MC2R: variants seen among roughly 807,000 people sequenced by gnomAD.
The protein encoded by MC2R is melanocortin 2 receptor.
In MC2R, 9 loss-of-function variants were observed where a neutral mutation model predicts 9.8. The observed-to-expected ratio is 0.92, with a 90% CI of 0.55 to 1.60. The LOEUF (loss-of-function observed/expected upper bound fraction) is 1.60, where lower values mean the gene tolerates loss of function less well. Ranked by LOEUF, MC2R falls within the 40% of genes most tolerant of loss-of-function variation. The probability of loss-of-function intolerance (pLI) is 0.00; values close to 1 mark genes in which losing one functional copy is unlikely to be tolerated. For synonymous variants in MC2R, 185 were observed against 154.7 expected (o/e 1.20, Z -1.45); for missense variants, 370 against 389.0 (o/e 0.95, Z 0.41).
chr18:13,904,519 G>A (rs1009712657), intron 1 of MC2R, among the ~76,000 whole-genome samples: 13 of 151,346 alleles, frequency 8.6e-5, no homozygotes, highest in Non-Finnish European at 1.2e-4. Context: ...TACCACTTTC[G>A]TTCAATATAA....
chr18:13,907,357 A>G (rs1173823193), intron 1 of MC2R, among the ~76,000 whole-genome samples: 1 of 152,242 alleles, frequency 6.6e-6, no homozygotes, highest in Non-Finnish European at 1.5e-5. Flanking sequence ...CTCTCACCAG[A>G]CACAAAAATC....
Position 13,884,370 on chromosome 18 carries a change from C to T in MC2R, c.*255G>A, listed in dbSNP as rs1480971418. 4 of 538,884 alleles carry T rather than the reference C, an allele frequency of 7.4e-6. No homozygotes were observed. Among genetic ancestry groups the T allele is most frequent in the Non-Finnish European group, 1.0e-5 (3 of 300,232 alleles). The allele number at this position is 538,884 out of a possible 1,614,324, so 33.4% of individuals were successfully genotyped here. On this transcript the variant is annotated 3_prime_UTR_variant, in exon 2 of 2. Coordinates refer to ENST00000327606, the MANE Select transcript of MC2R (RefSeq NM_000529.2). ...GCAAAAACCTTAATTACTTTTGTAC[C>T]TACCTAATACTTTGTATTCTATCCT...
chr18:13,915,486 A>C lies in MC2R; in HGVS notation c.-129+2T>G, dbSNP rs927753458. ...TGAGGAATTAGTGGAAAATGTACTTACCTTCAGCTCTGAAGCAGGAACTTT... is the reference window on the plus strand; with the variant it reads ...TGAGGAATTAGTGGAAAATGTACTTCCCTTCAGCTCTGAAGCAGGAACTTT... On this transcript the variant is annotated splice_donor_variant, in intron 1 of 1. Coordinates refer to ENST00000327606, the MANE Select transcript of MC2R (RefSeq NM_000529.2). LOFTEE classifies it low-confidence loss of function (5UTR_SPLICE). 1 of 152,784 alleles carries C rather than the reference A, an allele frequency of 6.5e-6. No individual in the cohort carries two copies. The highest frequency in any genetic ancestry group is 1.5e-5 in the Non-Finnish European group (1 of 68,138). The allele number at this position is 152,784 out of a possible 1,614,324, so 9.5% of individuals were successfully genotyped here. A position where few individuals can be genotyped will look rare whatever the true frequency, so the allele number is the denominator to read the frequency against.
chr18:13,903,149 C>G (rs2045390809), intron 1 of MC2R, among the ~76,000 whole-genome samples: 2 of 152,198 alleles, frequency 1.3e-5, no homozygotes, highest in Admixed American at 6.5e-5. Flanking sequence ...GAGATATCAT[C>G]TTACCCCAGT....
Position 13,885,349 on chromosome 18 carries a change from G to A in MC2R, c.170C>T (p.Ala57Val). 6.2e-7 allele frequency: 1 copy of A among 1,614,188 alleles called. No individual in the cohort carries two copies. Among genetic ancestry groups the A allele is most frequent in the Non-Finnish European group, 8.5e-7 (1 of 1,180,046 alleles). The change falls in exon 2 of 2, where the codon GCA becomes GTA. Residue 57 changes from alanine (A) to valine (V), a missense_variant. Coordinates refer to ENST00000327606, the MANE Select transcript of MC2R (RefSeq NM_000529.2). ...GCTACAGATGAAAAAGTACATGGGT[G>A]CCTGGAGATTCTTATTCTTGAACAC... ...LAVFKNKNLQAPMYFFICSLA... is the reference protein window; with the variant it reads ...LAVFKNKNLQVPMYFFICSLA...
At chr18:13,890,101 C>A (rs28634821) in intron 1 of MC2R, among the ~76,000 whole-genome samples, 9,422 of 152,204 alleles carry the variant, frequency 0.062, 902 homozygotes, top group African/African-American at 0.21. Flanking sequence ...CTGACCAAAT[C>A]AGGATGGTTT....
chr18:13,890,750 A>T (rs1187209102), intron 1 of MC2R, among the ~76,000 whole-genome samples: 2 of 152,146 alleles, frequency 1.3e-5, no homozygotes, highest in Non-Finnish European at 2.9e-5. Flanking sequence ...CTCCCTCCCC[A>T]TGCTTTATCC....
rs929323562 is a variant in MC2R, at chr18:13,883,118, C to T, written c.*1507G>A. On this transcript the variant is annotated 3_prime_UTR_variant, in exon 2 of 2. Coordinates refer to ENST00000327606, the MANE Select transcript of MC2R (RefSeq NM_000529.2). The stretch of plus-strand genomic sequence containing the variant: ...TGTCCTGTGTGTGGCTGTCTTCTCC[C>T]CTCAGCAGCTCTGGGAAATTCTCCT... 6.6e-6 allele frequency: 1 copy of T among 152,292 alleles called. No homozygotes were observed. Among genetic ancestry groups the T allele is most frequent in the Non-Finnish European group, 1.5e-5 (1 of 68,108 alleles). 9.4% of individuals were successfully genotyped at this position (152,292 alleles called of 1,614,324 possible).
intron 1 of MC2R, among the ~76,000 whole-genome samples, chr18:13,913,017 C>T (rs916092396): frequency 2.6e-5 from 4 of 152,120 alleles, no homozygotes; most frequent in Non-Finnish European, 1.5e-5. Flanking sequence ...TTTTCCGACA[C>T]TTCACAGAGA....
At chr18:13,906,996 A>G (rs1014401889) in intron 1 of MC2R, among the ~76,000 whole-genome samples, 4 of 152,208 alleles carry the variant, frequency 2.6e-5, no homozygotes, top group Middle Eastern at 3.2e-3. Flanking sequence ...AATACCAATG[A>G]CATTCTTTGT....
chr18:13,908,962 C>T (rs1941087), intron 1 of MC2R, among the ~76,000 whole-genome samples: 73,833 of 151,926 alleles, frequency 0.49, 18,369 homozygotes, highest in Middle Eastern at 0.61. Context: ...GTGCATTTAT[C>T]GCAACTAGTG....
intron 1 of MC2R, among the ~76,000 whole-genome samples, chr18:13,908,706 T>TTTGTGTGTGTGTGTGTGTGTGTGTGTGTG (rs374040158): frequency 1.7e-4 from 24 of 142,674 alleles, no homozygotes; most frequent in Non-Finnish European, 2.4e-4. Context: ...CAGGAGCTTC[T>TTTGTGTGTGTGTGTGTGTGTGTGTGTGTG]TGTGTGTGTG....
intron 1 of MC2R, among the ~76,000 whole-genome samples, chr18:13,887,635 G>C (rs2045285191): frequency 6.6e-6 from 1 of 152,222 alleles, no homozygotes; most frequent in East Asian, 1.9e-4. Context: ...GAGGCCCTCT[G>C]GGATGGGGGA....
intron 1 of MC2R, among the ~76,000 whole-genome samples, chr18:13,906,646 C>T (rs995101326): frequency 6.6e-6 from 1 of 152,292 alleles, no homozygotes; most frequent in African/African-American, 2.4e-5. Flanking sequence ...TTAGACTCCA[C>T]CAGAAAACTG....
In MC2R at chr18:13,884,530, G is replaced by T; in HGVS notation, c.*95C>A. On this transcript the variant is annotated 3_prime_UTR_variant, in exon 2 of 2. Coordinates refer to ENST00000327606, the MANE Select transcript of MC2R (RefSeq NM_000529.2). ...TCCTTGCATCCATTAGGGAAGGAAG[G>T]CCAGTGAGGAGCACTGGCATTTGTT... 7.4e-7 allele frequency: 1 copy of T among 1,352,134 alleles called. No individual in the cohort carries two copies. The highest frequency in any genetic ancestry group is 1.0e-6 in the Non-Finnish European group (1 of 956,174). 83.8% of individuals were successfully genotyped at this position (1,352,134 alleles called of 1,614,324 possible). A position where few individuals can be genotyped will look rare whatever the true frequency, so the allele number is the denominator to read the frequency against.
At chr18:13,904,412 G>A (rs545662092) in intron 1 of MC2R, among the ~76,000 whole-genome samples, 269 of 149,574 alleles carry the variant, frequency 1.8e-3, no homozygotes, top group Non-Finnish European at 3.4e-3. Flanking sequence ...CATAATAAAG[G>A]CCATATGTGG....
chr18:13,897,064 C>T (rs893098698), intron 1 of MC2R, among the ~76,000 whole-genome samples: 4 of 152,122 alleles, frequency 2.6e-5, no homozygotes, highest in African/African-American at 4.8e-5. Flanking sequence ...AAAAATCAGG[C>T]GAGCCCTCAT....
chr18:13,890,260 C>T lies in MC2R; in HGVS notation c.-128-4614G>A, dbSNP rs555717182. ...CAGCAGGGCTGCAGGCGTCCTGGGG[C>T]CCATGGGCTGTGTTTTTGGGGTTCC... is the stretch of plus-strand genomic sequence containing the variant. On this transcript the variant is annotated intron_variant, in intron 1 of 1. Transcript: ENST00000327606. 4.3e-4 allele frequency among the ~76,000 whole-genome samples: 66 copies of T among 152,242 alleles called. 1 individual carries two copies. In the South Asian group the frequency reaches 0.013, roughly 31 times the overall value.
rs2045264305 is a variant in MC2R, at chr18:13,884,892, G to A, written c.627C>T (p.Thr209=). The change falls in exon 2 of 2, where the codon ACC becomes ACT. Residue 209 remains threonine, a synonymous_variant. Transcript: ENST00000327606. ...LARSHTRKIS[T]LPRANMKGAI... ...CCCCTTTCATGTTGGCTCTGGGGAG[G>A]GTGGAGATCTTCCTGGTGTGGGATC... 6.2e-7 allele frequency: 1 copy of A among 1,614,084 alleles called. No individual in the cohort carries two copies. Among genetic ancestry groups the A allele is most frequent in the South Asian group, 1.1e-5 (1 of 91,076 alleles).
Sources: gnomAD v4.1 joint callset for allele counts (sites outside exome capture counted in the v4.1 genomes callset) on GRCh38, gnomAD v4.1.1 for gene constraint, MANE v1.5 for transcripts, NCBI Gene and HGNC (gene_info 2026-07-23, HGNC 2026-07-21) for gene names.